GFRAL: variants seen among roughly 807,000 people sequenced by gnomAD.
The protein encoded by GFRAL is GDNF family receptor alpha like.
A neutral mutation model predicts 45.4 loss-of-function variants in GFRAL; 36 were observed. The observed-to-expected ratio is 0.79, with a 90% CI of 0.61 to 1.05. The LOEUF (loss-of-function observed/expected upper bound fraction) is 1.05. Ranked by LOEUF, GFRAL falls within the 50% of genes least tolerant of loss-of-function variation. The probability of loss-of-function intolerance (pLI) is 0.00; values close to 1 mark genes in which losing one functional copy is unlikely to be tolerated. For synonymous variants in GFRAL, 166 were observed against 154.1 expected (o/e 1.08, Z -0.57); for missense variants, 507 against 467.5 (o/e 1.08, Z -0.78).
At chr6:55,342,467 C>G (rs1041787762) in intron 3 of GFRAL, among the ~76,000 whole-genome samples, 1 of 152,192 alleles carries the variant, frequency 6.6e-6, no homozygotes, top group African/African-American at 2.4e-5. Context: ...TACAGAAAAG[C>G]AAATGCTGAG....
chr6:55,352,346 G>C (rs1294436297), intron 5 of GFRAL, among the ~76,000 whole-genome samples: 2 of 152,082 alleles, frequency 1.3e-5, no homozygotes, highest in Non-Finnish European at 2.9e-5. Context: ...ATAGAGAAAA[G>C]GGTTAATGAA....
rs751024841 is a variant in GFRAL at position 55,399,144 on chromosome 6, T to C, written c.953-36T>C. ...TCCATAAAATTAAAATAATGTATGA[T>C]ATGTAACTAATCTCATTTTTATGAT... On this transcript the variant is annotated intron_variant, in intron 6 of 8. Transcript: ENST00000340465. 6.4e-6 allele frequency: 7 copies of C among 1,088,008 alleles called. No individual in the cohort carries two copies. The Admixed American group carries it at 1.4e-4, about 22-fold the overall frequency. The allele number at this position is 1,088,008 out of a possible 1,614,324, so 67.4% of individuals were successfully genotyped here.
At chr6:55,341,992 T>C (rs1045569374) in intron 3 of GFRAL, among the ~76,000 whole-genome samples, 9 of 151,822 alleles carry the variant, frequency 5.9e-5, no homozygotes, top group Admixed American at 4.6e-4. Context: ...TAAAAAGAAA[T>C]GAACAAAGCC....
intron 6 of GFRAL, among the ~76,000 whole-genome samples, chr6:55,360,346 A>G (rs1219834982): frequency 6.6e-6 from 1 of 152,036 alleles, no homozygotes; most frequent in African/African-American, 2.4e-5. Flanking sequence ...ATAGCAAACC[A>G]AATCTTTATA....
intron 6 of GFRAL, among the ~76,000 whole-genome samples, chr6:55,390,932 AC>A (rs1453772953): frequency 1.6e-5 from 2 of 121,736 alleles, no homozygotes; most frequent in Admixed American, 7.6e-5. Flanking sequence ...ACACACACAC[AC>A]AAGTAGTGGT....
chr6:55,332,049 T>C (rs927075344), intron 2 of GFRAL, among the ~76,000 whole-genome samples, 200 bp downstream of exon 2: 10 of 152,170 alleles, frequency 6.6e-5, no homozygotes, highest in Non-Finnish European at 1.3e-4. Context: ...AGAGCTTTAA[T>C]TACTGAGGGC....
In GFRAL at chr6:55,341,592, T is replaced by A. The variant is rs376493298; in HGVS notation, c.316+7648T>A. On this transcript the variant is annotated intron_variant, in intron 3 of 8. Transcript: ENST00000340465. ...TGGGGAAAAAACAGAGCAGAAAAGC[T>A]GAGAATTCTAAAAATCAGAGCAACT... is the stretch of plus-strand genomic sequence containing the variant. 3.2e-4 allele frequency among the ~76,000 whole-genome samples: 48 copies of A among 152,252 alleles called. 1 individual carries two copies. In the East Asian group the frequency reaches 6.8e-3, roughly 21 times the overall value.
chr6:55,354,755 T>C (rs921044108), intron 5 of GFRAL, among the ~76,000 whole-genome samples: 2 of 152,058 alleles, frequency 1.3e-5, no homozygotes, highest in African/African-American at 4.8e-5. Flanking sequence ...ATGATACTTA[T>C]CTTTTTTGCA....
intron 6 of GFRAL, among the ~76,000 whole-genome samples, chr6:55,359,564 G>A (rs563046390): frequency 4.6e-5 from 7 of 152,044 alleles, no homozygotes; most frequent in Admixed American, 2.0e-4. Flanking sequence ...TGGCTCTTCC[G>A]ATGGTCTTTT....
At chr6:55,348,688 C>T (rs540677317) in intron 3 of GFRAL, among the ~76,000 whole-genome samples, 2 of 152,144 alleles carry the variant, frequency 1.3e-5, no homozygotes, top group East Asian at 3.9e-4. Context: ...GACACTAATC[C>T]TATTCGATCA....
intron 6 of GFRAL, among the ~76,000 whole-genome samples, chr6:55,381,383 TAGATGTCA>T (rs2127363231): frequency 6.6e-6 from 1 of 152,040 alleles, no homozygotes; most frequent in East Asian, 1.9e-4. Context: ...TCCCTCATGT[TAGATGTCA>T]AGATGCTAGT....
At chr6:55,361,506 A>C (rs918373159) in intron 6 of GFRAL, among the ~76,000 whole-genome samples, 4 of 151,756 alleles carry the variant, frequency 2.6e-5, no homozygotes, top group African/African-American at 7.3e-5. Context: ...ATATTTTATC[A>C]TTTTGCTGTT....
chr6:55,332,764 C>A (rs904917053), intron 2 of GFRAL, among the ~76,000 whole-genome samples: 1 of 152,006 alleles, frequency 6.6e-6, no homozygotes, highest in African/African-American at 2.4e-5. Flanking sequence ...TTTGAATATT[C>A]AAGTAGCTAA....
At chr6:55,392,731 G>A (rs954303186) in intron 6 of GFRAL, among the ~76,000 whole-genome samples, 2 of 152,078 alleles carry the variant, frequency 1.3e-5, no homozygotes, top group Non-Finnish European at 2.9e-5. Context: ...CTAGAGGGTG[G>A]AGGGTGGGAG....
intron 1 of GFRAL, among the ~76,000 whole-genome samples, chr6:55,330,767 G>A (rs1239216861): frequency 6.6e-6 from 1 of 152,094 alleles, no homozygotes; most frequent in Admixed American, 6.6e-5. Context: ...AGTACATCAG[G>A]TAGATTAGGG....
intron 6 of GFRAL, among the ~76,000 whole-genome samples, chr6:55,374,337 A>G (rs1207207233): frequency 6.6e-6 from 1 of 151,916 alleles, no homozygotes; most frequent in African/African-American, 2.4e-5. Context: ...TGTCTTCACA[A>G]TGGTCGCATG....
intron 1 of GFRAL, among the ~76,000 whole-genome samples, chr6:55,331,317 G>A (rs1291311882): frequency 6.6e-6 from 1 of 152,084 alleles, no homozygotes; most frequent in African/African-American, 2.4e-5. Flanking sequence ...AGAACAGAAG[G>A]GAGGGCTGGC....
intron 5 of GFRAL, among the ~76,000 whole-genome samples, chr6:55,356,864 A>G (rs1581910054): frequency 6.6e-6 from 1 of 151,726 alleles, no homozygotes; most frequent in East Asian, 1.9e-4. Context: ...TGCTTTTTCC[A>G]TATCCCACAG....
In GFRAL at chr6:55,401,922, C is replaced by CT; in HGVS notation, c.*70dup. On this transcript the variant is annotated 3_prime_UTR_variant, in exon 9 of 9. Coordinates refer to ENST00000340465, the MANE Select transcript of GFRAL (RefSeq NM_207410.2). ...CTTTTCTTCTTTCCTCTTTTCTTCT[C>CT]TCCTCTCCTCTCCTCTCTTCTCCTC... is the stretch of plus-strand genomic sequence containing the variant. 1 of 753,074 alleles carries CT rather than the reference C, an allele frequency of 1.3e-6. No individual in the cohort carries two copies. Among genetic ancestry groups the CT allele is most frequent in the South Asian group, 1.6e-5 (1 of 63,604 alleles). The allele number at this position is 753,074 out of a possible 1,614,324, so 46.6% of individuals were successfully genotyped here. A position where few individuals can be genotyped will look rare whatever the true frequency, so the allele number is the denominator to read the frequency against.
Sources: gnomAD v4.1 joint callset for allele counts (sites outside exome capture counted in the v4.1 genomes callset) on GRCh38, gnomAD v4.1.1 for gene constraint, MANE v1.5 for transcripts, NCBI Gene and HGNC (gene_info 2026-07-23, HGNC 2026-07-21) for gene names.